CTDSP1: variants seen among roughly 807,000 people sequenced by gnomAD.
The protein encoded by CTDSP1 is CTD small phosphatase 1, also known as carboxy-terminal domain RNA polymerase II polypeptide A small phosphatase 1.
In CTDSP1, 15 loss-of-function variants were observed where a neutral mutation model predicts 32.5. The ratio of observed to expected loss-of-function variants is 0.46; its 90% CI spans 0.31 to 0.71. The LOEUF (loss-of-function observed/expected upper bound fraction) is 0.71. Among genes scored for constraint, CTDSP1 ranks in the 30% least tolerant of loss-of-function variants. CTDSP1 has a pLI of 0.05. For missense variants in CTDSP1, 294 were observed against 351.1 expected (o/e 0.84, Z 1.30); for synonymous variants, 185 against 145.4 (o/e 1.27, Z -1.96).
At chr2:218,402,517 A>C in intron 4 of CTDSP1, 112 bp downstream of exon 4, 1 of 1,085,488 alleles carries the variant, frequency 9.2e-7, no homozygotes, top group Non-Finnish European at 1.4e-6. Flanking sequence ...GGAATGTCAG[A>C]GGCCCAGAGA....
intron 1 of CTDSP1, chr2:218,400,620 T>C (rs950747542): frequency 2.4e-6 from 1 of 410,234 alleles, no homozygotes; most frequent in Non-Finnish European, 4.9e-6. Flanking sequence ...CTGGGGAGGC[T>C]TGGAGGGATC....
At position 218,402,420 on chromosome 2, in the gene CTDSP1, GA is replaced by G; in HGVS notation, c.378+16del. The G allele has an allele frequency of 1.9e-6, 3 of 1,603,122 alleles. No homozygotes were observed. Among genetic ancestry groups the G allele is most frequent in the Non-Finnish European group, 2.6e-6 (3 of 1,174,188 alleles). ...TGGTCCACCAGGTGAGGGCCAGGAAGAGGCAGTGGTGGGCTTGGCATCTGCC... is the reference window on the plus strand; with the variant it reads ...TGGTCCACCAGGTGAGGGCCAGGAAGGGCAGTGGTGGGCTTGGCATCTGCC... On this transcript the variant is annotated intron_variant, in intron 4 of 6. Transcript: ENST00000273062.
rs745478840 is a variant in CTDSP1 at position 218,400,120 on chromosome 2, C to T, written c.30C>T (p.Ile10=). 6 of 1,545,224 alleles carry T rather than the reference C, an allele frequency of 3.9e-6. No homozygotes were observed. In the Admixed American group the frequency reaches 7.9e-5, roughly 20 times the overall value. Reference sequence around the variant, plus strand: ...ACAGCTCGGCCGTCATTACTCAGATCAGCAAGGAGGAGGCTCGGGGCCCGC... The same window carrying T: ...ACAGCTCGGCCGTCATTACTCAGATTAGCAAGGAGGAGGCTCGGGGCCCGC... The part of the protein sequence containing the change: MDSSAVITQ[I]SKEEARGPLR... Residue 10 remains isoleucine (I), a synonymous_variant, in exon 1 of 7, where the codon ATC becomes ATT. Transcript: ENST00000273062.
intron 1 of CTDSP1, chr2:218,400,767 G>A (rs573430884): frequency 2.3e-4 from 104 of 454,710 alleles, no homozygotes; most frequent in Admixed American, 3.8e-4. Context: ...TGCGCCTAGT[G>A]GGCACGCACC....
At position 218,403,219 on chromosome 2, in the gene CTDSP1, C is replaced by T. The variant is rs1010430010; in HGVS notation, c.472-13C>T. On this transcript the variant is annotated splice_polypyrimidine_tract_variant and intron_variant, in intron 5 of 6. Transcript: ENST00000273062. ...ACCTGCGGGCCCCAGGATGACCCAC[C>T]TCCTGCTCCCAGTACGCAGACCCAG... 2 of 1,611,334 alleles carry T rather than the reference C, an allele frequency of 1.2e-6. No homozygotes were observed. The highest frequency in any genetic ancestry group is 4.5e-5 in the East Asian group (2 of 44,860).
chr2:218,404,427 G>A lies in CTDSP1; in HGVS notation c.*2G>A. The stretch of plus-strand genomic sequence containing the variant: ...AGGCAGCCACGGCCAGGGAGCTAGT[G>A]AGGGTGATGGGGCCAGGACCTGCCC... On this transcript the variant is annotated 3_prime_UTR_variant, in exon 7 of 7. Transcript: ENST00000273062. The A allele has an allele frequency of 6.2e-7, 1 of 1,613,998 alleles. No individual in the cohort carries two copies. Among genetic ancestry groups the A allele is most frequent in the East Asian group, 2.2e-5 (1 of 44,882 alleles).
chr2:218,397,562 G>T (rs1435090856), upstream of CTDSP1, among the ~76,000 whole-genome samples: 1 of 152,188 alleles, frequency 6.6e-6, no homozygotes, highest in Non-Finnish European at 1.5e-5. Flanking sequence ...ATCCACAGGT[G>T]CCAGACAGCA....
rs1329354632 is a variant in CTDSP1 at position 218,403,065 on chromosome 2, G to A, written c.409G>A (p.Glu137Lys). The A allele has an allele frequency of 1.2e-6, 2 of 1,614,004 alleles. No individual in the cohort carries two copies. Among genetic ancestry groups the A allele is most frequent in the South Asian group, 1.1e-5 (1 of 91,096 alleles). Residue 137 changes from glutamate to lysine, a missense_variant, in exon 5 of 7, where the codon GAG becomes AAG. Glu to Lys is a moderately conservative substitution (Grantham distance 56). Transcript: ENST00000273062. ...VYVLKRPHVD[E>K]FLQRMGELFE... ...CGTGTTGAAGCGTCCTCACGTGGAT[G>A]AGTTCCTGCAGCGAATGGGCGAGCT...
chr2:218,396,930 C>CT (rs1696819764), upstream of CTDSP1: 2 of 152,490 alleles, frequency 1.3e-5, no homozygotes, highest in African/African-American at 4.8e-5. Context: ...GCTGTGCAAA[C>CT]AAGTCCCTGT....
rs1039983524 is a variant in CTDSP1 at position 218,401,836 on chromosome 2, G to A, written c.216+124G>A. ...AGACCTGAAAGGTGCAGAGTAGGAG[G>A]GTGGCAGCCTCCCCTGCCAGGCCCT... On this transcript the variant is annotated intron_variant, in intron 2 of 6. Coordinates refer to ENST00000273062, the MANE Select transcript of CTDSP1 (RefSeq NM_021198.3). 6 of 975,054 alleles carry A rather than the reference G, an allele frequency of 6.2e-6. No individual in the cohort carries two copies. The South Asian group carries it at 8.7e-5, about 14-fold the overall frequency. The allele number at this position is 975,054 out of a possible 1,614,324, so 60.4% of individuals were successfully genotyped here.
In CTDSP1 at chr2:218,402,343, C is replaced by T. The variant is rs370760593; in HGVS notation, c.322-6C>T. On this transcript the variant is annotated splice_polypyrimidine_tract_variant and splice_region_variant and intron_variant, in intron 3 of 6. Transcript: ENST00000273062. ...TCCAACTCCAGCAGCTCTTTTCCCC[C>T]CACAGCCAGTGAACAACGCGGACTT... 1.2e-4 allele frequency: 187 copies of T among 1,613,948 alleles called. 9 individuals are homozygous for T. Among genetic ancestry groups the T allele is most frequent in the East Asian group, 4.7e-4 (21 of 44,902 alleles).
chr2:218,399,574 C>G (rs908782243), upstream of CTDSP1: 1 of 234,988 alleles, frequency 4.3e-6, no homozygotes, highest in Non-Finnish European at 7.0e-6. Flanking sequence ...TCGGGCACTC[C>G]CCGGCGTGGG....
chr2:218,403,612 G>T, intron 6 of CTDSP1, 195 bp downstream of exon 6: 2 of 534,620 alleles, frequency 3.7e-6, no homozygotes, highest in Non-Finnish European at 3.3e-6. Context: ...TTTTCCCCTC[G>T]CACAAAGCAG....
In CTDSP1 at chr2:218,400,075, G is replaced by C. The variant is rs777751173; in HGVS notation, c.-16G>C. On this transcript the variant is annotated 5_prime_UTR_variant, in exon 1 of 7. Coordinates refer to ENST00000273062, the MANE Select transcript of CTDSP1 (RefSeq NM_021198.3). ...CCCGGGCCAGAGTCCGGCCGGAGCG[G>C]AGCGCGCCCGGCCCCATGGACAGCT... 2 of 1,438,550 alleles carry C rather than the reference G, an allele frequency of 1.4e-6. No homozygotes were observed. The highest frequency in any genetic ancestry group is 1.5e-5 in the African/African-American group (1 of 66,308). 89.1% of individuals were successfully genotyped at this position (1,438,550 alleles called of 1,614,324 possible).
intron 1 of CTDSP1, chr2:218,401,106 C>T (rs1697113336): frequency 2.7e-6 from 1 of 372,790 alleles, no homozygotes; most frequent in Non-Finnish European, 5.4e-6. Context: ...TGCCTCTGGG[C>T]CCAGCCGCAG....
chr2:218,402,742 G>GC, intron 4 of CTDSP1: 1 of 748,896 alleles, frequency 1.3e-6, no homozygotes. Flanking sequence ...GCCTTGGGGT[G>GC]AGGGGGCTGC....
chr2:218,400,808 C>G (rs1168227840), intron 1 of CTDSP1: 1 of 454,858 alleles, frequency 2.2e-6, no homozygotes, highest in Non-Finnish European at 4.4e-6. Context: ...CCCGACGAGG[C>G]TGCGTCCCCC....
chr2:218,398,960 C>A (rs1696960300), upstream of CTDSP1: 1 of 152,252 alleles, frequency 6.6e-6, no homozygotes, highest in Non-Finnish European at 1.5e-5. Flanking sequence ...GTTTGAGGTC[C>A]CCCACGGTCG....
chr2:218,396,547 C>T (rs1415561093), upstream of CTDSP1: 3 of 152,396 alleles, frequency 2.0e-5, no homozygotes, highest in Non-Finnish European at 2.9e-5. Context: ...AGAATTTCCT[C>T]TTTCTTAAAA....
Sources: allele counts gnomAD v4.1 joint callset (sites outside exome capture counted in the v4.1 genomes callset), GRCh38; gene constraint gnomAD v4.1.1; transcripts MANE v1.5; gene names NCBI Gene and HGNC (gene_info 2026-07-23, HGNC 2026-07-21).